PRR23E: variants seen among roughly 807,000 people sequenced by gnomAD.
PRR23E encodes the protein PRR23 family member E.
At chr3:127,194,736 G>A in the PRR23E span, among the ~76,000 whole-genome samples, 1 of 152,184 alleles carries the variant, frequency 6.6e-6, no homozygotes, top group South Asian at 2.1e-4. Context: ...GGGCATCTCA[G>A]CTGGGCCTCC....
At chr3:127,196,642 C>G in the PRR23E span, 1 of 1,528,252 alleles carries the variant, frequency 6.5e-7, no homozygotes, top group Admixed American at 1.9e-5. Context: ...GAGGAGTGCA[C>G]TTGCCAGACA....
the PRR23E span, among the ~76,000 whole-genome samples, chr3:127,194,526 T>C: frequency 6.6e-6 from 1 of 152,232 alleles, no homozygotes; most frequent in African/African-American, 2.4e-5. Flanking sequence ...ATTTTCCATC[T>C]AGAGGCTACC....
chr3:127,197,357 C>G, the PRR23E span: 21 of 1,586,704 alleles, frequency 1.3e-5, no homozygotes, highest in African/African-American at 1.7e-4. Flanking sequence ...ACCCGGGCTG[C>G]TCCCGCTCCT....
chr3:127,196,640 C>T, the PRR23E span: 2 of 1,524,736 alleles, frequency 1.3e-6, no homozygotes, highest in African/African-American at 1.4e-5. Flanking sequence ...CAGAGGAGTG[C>T]ACTTGCCAGA....
chr3:127,197,086 T>C, the PRR23E span: 1 of 1,598,006 alleles, frequency 6.3e-7, no homozygotes, highest in Non-Finnish European at 8.5e-7. Flanking sequence ...CCCATGAAAT[T>C]CCCACCCACC....
the PRR23E span, among the ~76,000 whole-genome samples, chr3:127,194,342 A>G: frequency 6.6e-6 from 1 of 152,202 alleles, no homozygotes; most frequent in Non-Finnish European, 1.5e-5. Context: ...TAAAAAAAAA[A>G]ATCATTAAAA....
At chr3:127,197,026 T>G in the PRR23E span, 1 of 1,596,034 alleles carries the variant, frequency 6.3e-7, no homozygotes, top group Non-Finnish European at 8.5e-7. Flanking sequence ...TTTGACCCCC[T>G]CATAGGAAGT....
the PRR23E span, chr3:127,193,256 G>T: frequency 5.3e-5 from 8 of 152,346 alleles, no homozygotes; most frequent in East Asian, 3.9e-4. Flanking sequence ...GGAAAGAAAC[G>T]TTCTAGAAAG....
the PRR23E span, chr3:127,197,371 C>G: frequency 1.3e-6 from 2 of 1,577,804 alleles, no homozygotes; most frequent in East Asian, 2.3e-5. Flanking sequence ...CGCTCCTCCT[C>G]CCGGTCACCC....
the PRR23E span, among the ~76,000 whole-genome samples, chr3:127,194,348 T>TA: frequency 6.6e-6 from 1 of 152,140 alleles, no homozygotes; most frequent in Non-Finnish European, 1.5e-5. Flanking sequence ...AAAAAATCAT[T>TA]AAAAAATCCC....
chr3:127,196,600 G>A, the PRR23E span: 1 of 1,455,624 alleles, frequency 6.9e-7, no homozygotes, highest in Non-Finnish European at 9.0e-7. Context: ...GATACCAGGA[G>A]CCCCGTGAGG....
the PRR23E span, among the ~76,000 whole-genome samples, chr3:127,195,313 G>A: frequency 6.6e-6 from 1 of 152,064 alleles, no homozygotes; most frequent in Non-Finnish European, 1.5e-5. Flanking sequence ...TCTTCCATCT[G>A]TGGTCCACCC....
the PRR23E span, chr3:127,196,722 A>T: frequency 6.3e-7 from 1 of 1,593,756 alleles, no homozygotes; most frequent in Non-Finnish European, 8.5e-7. Flanking sequence ...AGCAGAGCAG[A>T]AGGTCCGCCG....
At chr3:127,195,312 T>G in the PRR23E span, among the ~76,000 whole-genome samples, 1 of 152,140 alleles carries the variant, frequency 6.6e-6, no homozygotes, top group Non-Finnish European at 1.5e-5. Flanking sequence ...TTCTTCCATC[T>G]GTGGTCCACC....
chr3:127,196,744 C>A, the PRR23E span: 19 of 1,595,358 alleles, frequency 1.2e-5, no homozygotes, highest in South Asian at 2.0e-4. Flanking sequence ...GCCTTCGAGG[C>A]CTCCGAGGAA....
the PRR23E span, chr3:127,197,079 A>C: frequency 1.3e-6 from 2 of 1,597,590 alleles, no homozygotes; most frequent in East Asian, 4.5e-5. Flanking sequence ...TCCTTTCCCC[A>C]TGAAATTCCC....
chr3:127,196,836 C>G, the PRR23E span: 1 of 1,599,138 alleles, frequency 6.3e-7, no homozygotes, highest in Non-Finnish European at 8.5e-7. Flanking sequence ...GGGAGCCCAG[C>G]CTGTAACTGA....
the PRR23E span, among the ~76,000 whole-genome samples, chr3:127,194,710 T>C: frequency 6.6e-6 from 1 of 152,150 alleles, no homozygotes; most frequent in African/African-American, 2.4e-5. Context: ...TGGTCAGTGG[T>C]CCACATCTAT....
chr3:127,197,427 A>G, the PRR23E span: 1 of 1,488,484 alleles, frequency 6.7e-7, no homozygotes, highest in Non-Finnish European at 8.9e-7. Context: ...AGCCCTCTAG[A>G]CCCAGACCCA....
Sources: allele counts gnomAD v4.1 joint callset (sites outside exome capture counted in the v4.1 genomes callset), GRCh38; gene constraint gnomAD v4.1.1; transcripts MANE v1.5; gene names NCBI Gene and HGNC (gene_info 2026-07-23, HGNC 2026-07-21).